Variants in RSPH14 observed in about 807,000 individuals in gnomAD.
RSPH14 encodes rhabdoid tumor deletion region gene 1.
A neutral mutation model predicts 26.7 loss-of-function variants in RSPH14; 20 were observed. The ratio of observed to expected loss-of-function variants is 0.75; its 90% CI spans 0.53 to 1.09. RSPH14 has a LOEUF of 1.09. RSPH14 is among the 50% of genes least tolerant of loss of function. The probability of loss-of-function intolerance (pLI) is 0.00; values close to 1 mark genes in which losing one functional copy is unlikely to be tolerated. For missense variants in RSPH14, 449 were observed against 457.2 expected (o/e 0.98, Z 0.16); for synonymous variants, 177 against 189.3 (o/e 0.93, Z 0.53).
upstream of RSPH14, among the ~76,000 whole-genome samples, chr22:23,144,018 G>A (rs1217435625): frequency 2.0e-5 from 3 of 147,858 alleles, no homozygotes; most frequent in African/African-American, 7.5e-5. Context: ...CGCTTGAGCC[G>A]GGAGGCGGAG....
the RSPH14 span, chr22:23,156,169 A>G: frequency 3.9e-6 from 2 of 513,984 alleles, no homozygotes; most frequent in Admixed American, 9.0e-5. Flanking sequence ...ACACCAGGCC[A>G]CTGCTTGGGA....
intron 4 of RSPH14, among the ~76,000 whole-genome samples, chr22:23,096,986 C>G (rs772388410): frequency 6.6e-6 from 1 of 152,142 alleles, no homozygotes; most frequent in Non-Finnish European, 1.5e-5. Flanking sequence ...GGTGGGGAGC[C>G]GGGTGAAGCA....
rs1013956970 is a variant in RSPH14 at position 23,136,787 on chromosome 22, T to C, written c.302+2053A>G. Among the ~76,000 whole-genome samples, 4 of 138,724 alleles carry C rather than the reference T, an allele frequency of 2.9e-5. 1 individual carries two copies. The highest frequency in any genetic ancestry group is 1.0e-4 in the African/African-American group (4 of 39,020). 91.0% of individuals were successfully genotyped at this position (138,724 alleles called of 152,430 possible). A position where few individuals can be genotyped will look rare whatever the true frequency, so the allele number is the denominator to read the frequency against. On this transcript the variant is annotated intron_variant, in intron 3 of 6. Coordinates refer to ENST00000216036, the MANE Select transcript of RSPH14 (RefSeq NM_014433.3). ...ATTACTACCTAATGTCCACATCAGG[T>C]CCAGAAAAGTAGGGAGGAAAAACCA...
chr22:23,118,284 G>A (rs1341663685), intron 4 of RSPH14, among the ~76,000 whole-genome samples: 1 of 152,202 alleles, frequency 6.6e-6, no homozygotes, highest in Non-Finnish European at 1.5e-5. Flanking sequence ...TCCCACCATT[G>A]CACAAGCTTC....
At chr22:23,104,959 A>C (rs2069419253) in intron 4 of RSPH14, among the ~76,000 whole-genome samples, 1 of 152,238 alleles carries the variant, frequency 6.6e-6, no homozygotes, top group African/African-American at 2.4e-5. Flanking sequence ...TTCTCTCTGC[A>C]TGTGGCTCCC....
chr22:23,122,928 G>A (rs1646079259), intron 4 of RSPH14, among the ~76,000 whole-genome samples: 1 of 152,226 alleles, frequency 6.6e-6, no homozygotes, highest in Non-Finnish European at 1.5e-5. Context: ...GGTGGGTGAA[G>A]ACATTTAACC....
intron 4 of RSPH14, among the ~76,000 whole-genome samples, chr22:23,106,689 A>C (rs1427499480): frequency 6.6e-6 from 1 of 152,218 alleles, no homozygotes; most frequent in Non-Finnish European, 1.5e-5. Flanking sequence ...AGGCCCAGAG[A>C]CGTGAGCGGT....
At chr22:23,106,272 G>A (rs931954521) in intron 4 of RSPH14, among the ~76,000 whole-genome samples, 5 of 152,240 alleles carry the variant, frequency 3.3e-5, no homozygotes, top group Admixed American at 2.0e-4. Flanking sequence ...TGAGGGTAAG[G>A]GGGGTGGCGC....
Position 23,071,481 on chromosome 22 carries a change from G to T in RSPH14, c.422-7348C>A, listed in dbSNP as rs2068374178. Among the ~76,000 whole-genome samples the T allele has an allele frequency of 6.6e-6, 1 of 152,220 alleles. No homozygotes were observed. The highest frequency in any genetic ancestry group is 6.5e-5 in the Admixed American group (1 of 15,290). On this transcript the variant is annotated intron_variant, in intron 4 of 6. Transcript: ENST00000216036. The surrounding 1 kb of genome is among the most constrained non-coding windows in gnomAD (Gnocchi z 4.1). ...TGGGGAGACAGCTGAGCCCCTGACC[G>T]GCTCCTTTCTGCCCAAGTGATTTCC...
rs1023987639 is a variant in RSPH14, at chr22:23,071,752, G to A, written c.422-7619C>T. Among the ~76,000 whole-genome samples, 6 of 152,208 alleles carry A rather than the reference G, an allele frequency of 3.9e-5. No homozygotes were observed. The highest frequency in any genetic ancestry group is 7.3e-5 in the Non-Finnish European group (5 of 68,040). ...TCAGAGTGGTGTCCTGGGCTGGGGG[G>A]TCAGGTGAGCTCGTGGGCAACATGA... On this transcript the variant is annotated intron_variant, in intron 4 of 6. Transcript: ENST00000216036. The surrounding 1 kb of genome is among the most constrained non-coding windows in gnomAD (Gnocchi z 4.1).
At chr22:23,153,192 G>T in the RSPH14 span, 1 of 1,283,100 alleles carries the variant, frequency 7.8e-7, no homozygotes, top group South Asian at 1.2e-5. Flanking sequence ...CCTGAGAAAG[G>T]ATTTGGGGAG....
At chr22:23,148,601 T>C (rs2070935363), upstream of RSPH14, among the ~76,000 whole-genome samples, 1 of 152,172 alleles carries the variant, frequency 6.6e-6, no homozygotes, top group African/African-American at 2.4e-5. Flanking sequence ...TCAAGGCCAC[T>C]GCTGGTCAAG....
At chr22:23,179,951 T>A in the RSPH14 span, 49 of 290,964 alleles carry the variant, frequency 1.7e-4, no homozygotes, top group Admixed American at 3.1e-4. Flanking sequence ...TCCGCATCGT[T>A]GGGCCAGATC....
At chr22:23,109,827 G>A (rs924457604) in intron 4 of RSPH14, among the ~76,000 whole-genome samples, 4 of 152,202 alleles carry the variant, frequency 2.6e-5, no homozygotes, top group Non-Finnish European at 5.9e-5. Flanking sequence ...GCATAGGCAG[G>A]CCTTCTGCTG....
the RSPH14 span, among the ~76,000 whole-genome samples, chr22:23,158,707 C>A: frequency 3.3e-5 from 5 of 152,214 alleles, no homozygotes; most frequent in African/African-American, 1.2e-4. Flanking sequence ...GGTATTCCCA[C>A]CCCTTTGGGT....
At chr22:23,158,043 G>C in the RSPH14 span, 2 of 1,614,018 alleles carry the variant, frequency 1.2e-6, no homozygotes, top group African/African-American at 2.7e-5. Context: ...GAGCATACCA[G>C]GTAAGTCTGG....
intron 3 of RSPH14, among the ~76,000 whole-genome samples, chr22:23,138,573 AAAAG>A (rs2070522855): frequency 1.3e-5 from 2 of 152,232 alleles, no homozygotes; most frequent in South Asian, 2.1e-4. Context: ...AAAAAGAAAG[AAAAG>A]AAAGAGAGAG....
At chr22:23,158,937 C>T in the RSPH14 span, 2 of 1,614,226 alleles carry the variant, frequency 1.2e-6, no homozygotes, top group East Asian at 2.2e-5. Flanking sequence ...ACGAGGCAGG[C>T]TCCTGCTTCA....
rs189599048 is a variant in RSPH14, at chr22:23,079,262, C to T, written c.422-15129G>A. Among the ~76,000 whole-genome samples the T allele has an allele frequency of 2.2e-4, 34 of 152,314 alleles. 1 individual carries two copies. In the East Asian group the frequency reaches 4.4e-3, roughly 20 times the overall value. ...TGCGAATATGGGGGTCATTTTCCAT[C>T]GTAAATAGGATGGGCAGGGAGGCCT... On this transcript the variant is annotated intron_variant, in intron 4 of 6. Transcript: ENST00000216036.
Sources: allele counts gnomAD v4.1 joint callset (sites outside exome capture counted in the v4.1 genomes callset), GRCh38; gene constraint gnomAD v4.1.1; non-coding constraint Gnocchi (gnomAD v3.1); transcripts MANE v1.5; gene names NCBI Gene and HGNC (gene_info 2026-07-23, HGNC 2026-07-21).